The following CEP192 variants were observed in gnomAD, a reference collection of about 807,000 sequenced individuals.
CEP192 encodes centrosomal protein 192, also known as centrosomal protein of 192 kDa.
Under a neutral mutation model 271.8 loss-of-function variants are expected in CEP192, and 151 were observed. The ratio of observed to expected loss-of-function variants is 0.56; its 90% CI spans 0.49 to 0.64. The LOEUF (loss-of-function observed/expected upper bound fraction) is 0.64. Ranked by LOEUF, CEP192 falls within the 30% of genes least tolerant of loss-of-function variation. CEP192 has a pLI of 0.00. For synonymous variants in CEP192, 995 were observed against 1,076.5 expected (o/e 0.92, Z 1.48); for missense variants, 2,910 against 3,020.5 (o/e 0.96, Z 0.86).
At chr18:13,114,756 C>T (rs1180387551) in intron 42 of CEP192, among the ~76,000 whole-genome samples, 1 of 152,166 alleles carries the variant, frequency 6.6e-6, no homozygotes, top group Non-Finnish European at 1.5e-5. Flanking sequence ...AAAATACCTA[C>T]TTTTACCCAC....
intron 20 of CEP192, chr18:13,058,817 A>G: frequency 2.2e-6 from 1 of 452,440 alleles, no homozygotes; most frequent in African/African-American, 2.0e-5. Context: ...CCTTTTTAAG[A>G]CAAGTGAGTG....
intron 9 of CEP192, among the ~76,000 whole-genome samples, chr18:13,022,242 A>G (rs2035035455): frequency 6.6e-6 from 1 of 152,156 alleles, no homozygotes; most frequent in Admixed American, 6.6e-5. Context: ...TTTCACCATT[A>G]CATCACTGTC....
chr18:13,095,570 C>G lies in CEP192; in HGVS notation c.6322C>G (p.Gln2108Glu), dbSNP rs1407721491. The change falls in exon 35 of 45, where the codon CAG becomes GAG. Residue 2108 changes from glutamine to glutamate, a missense_variant. By Grantham distance (29) the Gln-to-Glu change is conservative (BLOSUM62 2). Transcript: ENST00000506447. The part of the protein sequence containing the change: ...SLDVLPVKGP[Q>E]GSPLLSRAAR... ...GGATGTTTTACCAGTCAAAGGTCCT[C>G]AGGGTTCTCCTCTTCTCTCACGGGC... is the stretch of plus-strand genomic sequence containing the variant. 1.2e-6 allele frequency: 2 copies of G among 1,614,210 alleles called. No individual in the cohort carries two copies. Among genetic ancestry groups the G allele is most frequent in the Non-Finnish European group, 1.7e-6 (2 of 1,180,010 alleles).
chr18:13,090,831 A>G (rs1301553293), intron 33 of CEP192, among the ~76,000 whole-genome samples: 1 of 152,188 alleles, frequency 6.6e-6, no homozygotes. Flanking sequence ...GAGATGGAAC[A>G]CTAACACTTA....
chr18:13,100,742 T>C (rs1162337175), intron 38 of CEP192, among the ~76,000 whole-genome samples: 1 of 152,216 alleles, frequency 6.6e-6, no homozygotes, highest in Non-Finnish European at 1.5e-5. Flanking sequence ...AGGTTTTATT[T>C]GATGGTCAGA....
intron 1 of CEP192, 35 bp from the exon 2 acceptor site, chr18:12,999,386 A>C (rs1402803203): frequency 2.2e-6 from 3 of 1,382,212 alleles, no homozygotes; most frequent in Non-Finnish European, 2.9e-6. Context: ...TTTTATAGTA[A>C]TATGTGACCT....
chr18:13,069,268 T>C (rs2037881874), intron 26 of CEP192, 87 bp downstream of exon 26: 2 of 1,134,554 alleles, frequency 1.8e-6, no homozygotes, highest in South Asian at 1.2e-5. Context: ...GTGCTCTTCC[T>C]GGCCCAACAG....
intron 9 of CEP192, among the ~76,000 whole-genome samples, chr18:13,021,718 T>C (rs999008482): frequency 5.3e-5 from 8 of 152,208 alleles, no homozygotes; most frequent in African/African-American, 1.9e-4. Flanking sequence ...CTTTGCAGTG[T>C]TAAGTCTTCA....
intron 33 of CEP192, among the ~76,000 whole-genome samples, chr18:13,089,820 A>T (rs2039060524): frequency 6.6e-6 from 1 of 152,218 alleles, no homozygotes; most frequent in Admixed American, 6.5e-5. Flanking sequence ...TAAGTATTCG[A>T]TGAAAGAGCT....
At chr18:13,057,494 T>G in intron 19 of CEP192, 91 bp from the exon 20 acceptor site, 14 of 1,412,218 alleles carry the variant, frequency 9.9e-6, no homozygotes, top group Non-Finnish European at 1.4e-5. Context: ...AAACAGGCCA[T>G]CTTATAAACT....
intron 21 of CEP192, among the ~76,000 whole-genome samples, chr18:13,060,226 T>G (rs2037334955): frequency 6.6e-6 from 1 of 152,204 alleles, no homozygotes; most frequent in Admixed American, 6.5e-5. Context: ...CTATGTACCA[T>G]TGTTCCCATA....
In CEP192 at chr18:13,072,738, T is replaced by G; in HGVS notation, c.5349-17T>G. 6.6e-7 allele frequency: 1 copy of G among 1,514,632 alleles called. No individual in the cohort carries two copies. The highest frequency in any genetic ancestry group is 9.2e-7 in the Non-Finnish European group (1 of 1,089,690). 93.8% of individuals were successfully genotyped at this position (1,514,632 alleles called of 1,614,324 possible). A position where few individuals can be genotyped will look rare whatever the true frequency, so the allele number is the denominator to read the frequency against. On this transcript the variant is annotated splice_polypyrimidine_tract_variant and intron_variant, in intron 28 of 44. Transcript: ENST00000506447. Reference sequence around the variant, plus strand: ...CCATGGAGAAAAACCATATTTAAAATGTCTAATTGTTTTTAGGCTTCAGAA... The same window carrying G: ...CCATGGAGAAAAACCATATTTAAAAGGTCTAATTGTTTTTAGGCTTCAGAA...
rs527569334 is a variant in CEP192 at position 13,005,557 on chromosome 18, T to C, written c.291-2899T>C. Reference sequence around the variant, plus strand: ...CCAGGAGCTCTGGAAACTGGTCTTGTTGGTCCTTGTTGATGGAAGACAGGA... The same window carrying C: ...CCAGGAGCTCTGGAAACTGGTCTTGCTGGTCCTTGTTGATGGAAGACAGGA... On this transcript the variant is annotated intron_variant, in intron 3 of 44. Transcript: ENST00000506447. Among the ~76,000 whole-genome samples, 220 of 152,324 alleles carry C rather than the reference T, an allele frequency of 1.4e-3. 6 individuals are homozygous for C. The South Asian group carries it at 0.018, about 12-fold the overall frequency.
At chr18:13,046,170 G>A (rs1004677256) in intron 15 of CEP192, among the ~76,000 whole-genome samples, 39 of 152,084 alleles carry the variant, frequency 2.6e-4, no homozygotes, top group African/African-American at 8.5e-4. Flanking sequence ...AAGGCGAAGC[G>A]GGAGCAGGCA....
At chr18:13,088,395 C>G (rs994689441) in intron 32 of CEP192, among the ~76,000 whole-genome samples, 3 of 152,148 alleles carry the variant, frequency 2.0e-5, no homozygotes, top group African/African-American at 7.2e-5. Flanking sequence ...CTGCAGTGAG[C>G]TATGATTGCA....
At chr18:13,005,832 A>G (rs2033947397) in intron 3 of CEP192, among the ~76,000 whole-genome samples, 1 of 152,258 alleles carries the variant, frequency 6.6e-6, no homozygotes, top group African/African-American at 2.4e-5. Flanking sequence ...TAATCTTGGA[A>G]TAAATTAATA....
chr18:13,103,655 C>T lies in CEP192; in HGVS notation c.6951+67C>T, dbSNP rs566035316. On this transcript the variant is annotated intron_variant, in intron 39 of 44. Transcript: ENST00000506447. ...GACTTTATCCAGGATGTTCTAAAAA[C>T]TGACTATGAGCATAGGTTGATATTA... 7 of 1,216,316 alleles carry T rather than the reference C, an allele frequency of 5.8e-6. No individual in the cohort carries two copies. The African/African-American group carries it at 1.0e-4, about 18-fold the overall frequency. The allele number at this position is 1,216,316 out of a possible 1,614,324, so 75.3% of individuals were successfully genotyped here.
At chr18:13,043,965 G>A (rs1264014633) in intron 15 of CEP192, among the ~76,000 whole-genome samples, 2 of 152,002 alleles carry the variant, frequency 1.3e-5, no homozygotes. Context: ...GGGAAGTGGG[G>A]TATCCATCCC....
At chr18:12,995,810 A>G (rs2033195276) in intron 1 of CEP192, among the ~76,000 whole-genome samples, 1 of 152,252 alleles carries the variant, frequency 6.6e-6, no homozygotes, top group Non-Finnish European at 1.5e-5. Flanking sequence ...AAGTGAAGGT[A>G]CAAAATGTGT....
Sources: allele counts gnomAD v4.1 joint callset (sites outside exome capture counted in the v4.1 genomes callset), GRCh38; gene constraint gnomAD v4.1.1; transcripts MANE v1.5; gene names NCBI Gene and HGNC (gene_info 2026-07-23, HGNC 2026-07-21).